PIP5K1B: variants seen among roughly 807,000 people sequenced by gnomAD.
PIP5K1B encodes phosphatidylinositol 4-phosphate 5-kinase type-1 beta.
A neutral mutation model predicts 67.0 loss-of-function variants in PIP5K1B; 42 were observed. That is an observed-to-expected ratio of 0.63 (90% confidence interval 0.49 to 0.81). PIP5K1B has a LOEUF of 0.81. Among genes scored for constraint, PIP5K1B ranks in the 30% least tolerant of loss-of-function variants. PIP5K1B has a pLI of 0.00. For missense variants in PIP5K1B, 459 were observed against 646.3 expected (o/e 0.71, Z 3.14); for synonymous variants, 214 against 231.4 (o/e 0.92, Z 0.68).
intron 4 of PIP5K1B, among the ~76,000 whole-genome samples, chr9:68,858,881 A>G (rs1281942218): frequency 1.3e-5 from 2 of 152,260 alleles, no homozygotes; most frequent in Non-Finnish European, 2.9e-5. Flanking sequence ...GTTTTGATGT[A>G]AGGACGTCAA....
chr9:68,772,597 C>G (rs750562884), intron 2 of PIP5K1B, among the ~76,000 whole-genome samples: 1 of 152,154 alleles, frequency 6.6e-6, no homozygotes, highest in Non-Finnish European at 1.5e-5. Context: ...GCCCCAGTGC[C>G]CATCTCTCTT....
chr9:68,991,979 G>GT (rs1017324783), intron 15 of PIP5K1B, among the ~76,000 whole-genome samples: 2 of 139,966 alleles, frequency 1.4e-5, no homozygotes, highest in Non-Finnish European at 2.9e-5. Flanking sequence ...ATTTTTTTTG[G>GT]GGGGGGGCAG....
intron 4 of PIP5K1B, among the ~76,000 whole-genome samples, chr9:68,825,738 G>A (rs918396060): frequency 5.3e-5 from 8 of 152,182 alleles, no homozygotes; most frequent in Admixed American, 2.0e-4. Context: ...AGTGGAGTGG[G>A]AGAGGCAAGA....
chr9:68,874,376 T>C (rs1334894018), intron 5 of PIP5K1B, among the ~76,000 whole-genome samples: 3 of 152,308 alleles, frequency 2.0e-5, no homozygotes, highest in Middle Eastern at 6.8e-3. Flanking sequence ...GTTCCCCTTC[T>C]CTACCTGAAG....
chr9:68,755,880 C>T (rs1444269312), intron 2 of PIP5K1B, among the ~76,000 whole-genome samples: 1 of 152,192 alleles, frequency 6.6e-6, no homozygotes, highest in Non-Finnish European at 1.5e-5. Flanking sequence ...CTCAGAGAGC[C>T]TGAAAAACAA....
At chr9:68,894,183 T>C (rs1824962143) in intron 7 of PIP5K1B, among the ~76,000 whole-genome samples, 156 bp from the exon 8 acceptor site, 1 of 152,152 alleles carries the variant, frequency 6.6e-6, no homozygotes, top group African/African-American at 2.4e-5. Context: ...ACTTAAGAAA[T>C]AGATTAGAAA....
intron 2 of PIP5K1B, chr9:68,788,762 C>A: frequency 3.8e-6 from 1 of 264,498 alleles, no homozygotes; most frequent in Non-Finnish European, 7.8e-6. Flanking sequence ...CTGTGGTCTT[C>A]CCCATTGCCT....
At chr9:68,941,623 T>G (rs1827565253) in intron 14 of PIP5K1B, among the ~76,000 whole-genome samples, 1 of 152,228 alleles carries the variant, frequency 6.6e-6, no homozygotes, top group South Asian at 2.1e-4. Context: ...AACAATTATC[T>G]GTTAAATGTT....
intron 2 of PIP5K1B, among the ~76,000 whole-genome samples, chr9:68,754,092 T>C (rs1829784265): frequency 6.6e-6 from 1 of 152,156 alleles, no homozygotes; most frequent in Admixed American, 6.5e-5. Context: ...GGGAACATTG[T>C]CATCTTTACA....
chr9:68,894,774 C>A, intron 8 of PIP5K1B, 136 bp downstream of exon 8: 2 of 797,716 alleles, frequency 2.5e-6, no homozygotes, highest in Non-Finnish European at 2.0e-6. Flanking sequence ...CCAATCCTGG[C>A]GCTGAGCCAT....
Position 68,935,038 on chromosome 9 carries a change from T to A in PIP5K1B, c.1350T>A (p.Asp450Glu). Residue 450 changes from aspartate (D) to glutamate (E), a missense_variant, in exon 13 of 16, where the codon GAT becomes GAA. Physicochemically the swap from Asp to Glu is conservative, Grantham distance 45. This residue lies in a region of PIP5K1B where 169 missense variants were observed against 171.9 expected (regional missense o/e 0.98). Transcript: ENST00000265382. ...AAGGACAAAGTTTTAGCAGCCTTGA[T>A]GAAGAAGGTAAAGATATGTAACTTT... ...LTEGQSFSSL[D>E]EEALGSRHRP... 6.2e-7 allele frequency: 1 copy of A among 1,612,958 alleles called. No homozygotes were observed. Among genetic ancestry groups the A allele is most frequent in the Admixed American group, 1.7e-5 (1 of 59,910 alleles).
chr9:68,770,917 T>C (rs1458391595), intron 2 of PIP5K1B, among the ~76,000 whole-genome samples: 1 of 152,226 alleles, frequency 6.6e-6, no homozygotes, highest in Non-Finnish European at 1.5e-5. Flanking sequence ...TAAGTAACTA[T>C]ATATGACAGT....
intron 4 of PIP5K1B, chr9:68,843,207 C>T (rs747522690): frequency 2.0e-5 from 3 of 152,170 alleles, no homozygotes; most frequent in Non-Finnish European, 4.4e-5. Flanking sequence ...GTCAGGGAAC[C>T]CTATGCCAGG....
At chr9:68,818,153 TGC>T (rs1490977720) in intron 2 of PIP5K1B, among the ~76,000 whole-genome samples, 2 of 152,248 alleles carry the variant, frequency 1.3e-5, no homozygotes, top group African/African-American at 4.8e-5. Context: ...TTTTATCTTT[TGC>T]GCATTGTGCA....
intron 4 of PIP5K1B, among the ~76,000 whole-genome samples, chr9:68,845,505 C>T (rs1043897268): frequency 6.6e-6 from 1 of 151,916 alleles, no homozygotes; most frequent in Admixed American, 6.6e-5. Flanking sequence ...TCCTGGCCTC[C>T]GGGAACAGGA....
intron 4 of PIP5K1B, among the ~76,000 whole-genome samples, chr9:68,845,520 CAT>C (rs1247870662): frequency 6.6e-6 from 1 of 152,034 alleles, no homozygotes; most frequent in Non-Finnish European, 1.5e-5. Context: ...ACAGGAGAAA[CAT>C]AGTAATTTTA....
rs1827806745 is a variant in PIP5K1B, at chr9:68,946,425, C to T, written c.1502+5635C>T. Among the ~76,000 whole-genome samples the T allele has an allele frequency of 1.3e-5, 2 of 151,640 alleles. 1 individual carries two copies. Among genetic ancestry groups the T allele is most frequent in the South Asian group, 4.2e-4 (2 of 4,816 alleles). On this transcript the variant is annotated intron_variant, in intron 14 of 15. Coordinates refer to ENST00000265382, the MANE Select transcript of PIP5K1B (RefSeq NM_003558.4). Reference sequence around the variant, plus strand: ...TTTTGTTTTTTTTTTGAGACAGAGTCTCTGTCACCCAGGCTGGAGTACAGT... The same window carrying T: ...TTTTGTTTTTTTTTTGAGACAGAGTTTCTGTCACCCAGGCTGGAGTACAGT...
chr9:68,709,380 G>A (rs899353636), intron 1 of PIP5K1B, among the ~76,000 whole-genome samples: 9 of 151,938 alleles, frequency 5.9e-5, no homozygotes, highest in African/African-American at 1.7e-4. Flanking sequence ...CAACAGGCAC[G>A]CACTACCATG....
chr9:68,829,250 T>A (rs1834154749), intron 4 of PIP5K1B, among the ~76,000 whole-genome samples: 1 of 152,232 alleles, frequency 6.6e-6, no homozygotes, highest in African/African-American at 2.4e-5. Flanking sequence ...CCATTCTTCT[T>A]TTCCTTCAGA....
Sources: gnomAD v4.1 joint callset for allele counts (sites outside exome capture counted in the v4.1 genomes callset) on GRCh38, gnomAD v4.1.1 for gene constraint, gnomAD v4.1.1 regional missense constraint, MANE v1.5 for transcripts, NCBI Gene and HGNC (gene_info 2026-07-23, HGNC 2026-07-21) for gene names.